Variants in PDE10A observed in about 807,000 individuals in gnomAD.
PDE10A encodes the protein phosphodiesterase 10A.
A neutral mutation model predicts 97.7 loss-of-function variants in PDE10A; 39 were observed. The observed-to-expected ratio is 0.40, with a 90% confidence interval of 0.31 to 0.52. The LOEUF (loss-of-function observed/expected upper bound fraction) is 0.52. PDE10A is among the 20% of genes least tolerant of loss of function. PDE10A has a pLI of 0.56. For synonymous variants in PDE10A, 371 were observed against 376.8 expected (o/e 0.98, Z 0.18); for missense variants, 731 against 1,047.8 (o/e 0.70, Z 4.17).
chr6:165,651,062 A>G (rs1288592905), intron 1 of PDE10A, among the ~76,000 whole-genome samples: 1 of 152,214 alleles, frequency 6.6e-6, no homozygotes. Flanking sequence ...ATTGATGGAT[A>G]CTGCCAAATT....
chr6:165,502,591 G>C (rs559129115), intron 2 of PDE10A, among the ~76,000 whole-genome samples: 1 of 152,280 alleles, frequency 6.6e-6, no homozygotes, highest in South Asian at 2.1e-4. Flanking sequence ...AAAATTAAAA[G>C]AATGTGAAGC....
chr6:165,525,390 T>G (rs1310974312), intron 2 of PDE10A, among the ~76,000 whole-genome samples: 1 of 152,120 alleles, frequency 6.6e-6, no homozygotes, highest in Non-Finnish European at 1.5e-5. Context: ...TATGTTTGGT[T>G]AGTTGAAATA....
At chr6:165,514,682 G>A (rs1186950867) in intron 2 of PDE10A, among the ~76,000 whole-genome samples, 1 of 152,212 alleles carries the variant, frequency 6.6e-6, no homozygotes, top group African/African-American at 2.4e-5. Flanking sequence ...TGAGGTTATT[G>A]CTTATGACTC....
chr6:165,754,617 T>C (rs1253678258), intron 1 of PDE10A, among the ~76,000 whole-genome samples: 1 of 152,186 alleles, frequency 6.6e-6, no homozygotes, highest in Non-Finnish European at 1.5e-5. Flanking sequence ...TATTTATGAA[T>C]ATAAAACAGT....
intron 1 of PDE10A, among the ~76,000 whole-genome samples, chr6:165,653,292 G>A (rs1031360856): frequency 3.3e-5 from 5 of 152,142 alleles, no homozygotes; most frequent in African/African-American, 4.8e-5. Flanking sequence ...CTTCCTACCC[G>A]CAAGGAACAC....
chr6:165,894,378 G>T, intron 1 of PDE10A: 1 of 456,114 alleles, frequency 2.2e-6, no homozygotes, highest in Non-Finnish European at 4.4e-6. Flanking sequence ...CGACAGGCCA[G>T]AACACTTGGC....
chr6:165,421,805 T>C (rs927186429), intron 10 of PDE10A, among the ~76,000 whole-genome samples: 1 of 152,238 alleles, frequency 6.6e-6, no homozygotes, highest in African/African-American at 2.4e-5. Flanking sequence ...GCTCACGCTG[T>C]ACTTCCAGCA....
intron 1 of PDE10A, among the ~76,000 whole-genome samples, chr6:165,642,693 T>C (rs1412699715): frequency 6.6e-6 from 1 of 152,236 alleles, no homozygotes; most frequent in African/African-American, 2.4e-5. Flanking sequence ...GTCCGGCCTT[T>C]ATGCTTTCAG....
intron 1 of PDE10A, among the ~76,000 whole-genome samples, chr6:165,709,335 T>C (rs62424922): frequency 0.5 from 58,558 of 117,268 alleles, 15,240 homozygotes; most frequent in Non-Finnish European, 0.55. Context: ...CGCTATGCTG[T>C]GGTGCTCTCT....
At chr6:165,766,989 A>T (rs1487833066) in intron 1 of PDE10A, among the ~76,000 whole-genome samples, 1 of 152,164 alleles carries the variant, frequency 6.6e-6, no homozygotes, top group Non-Finnish European at 1.5e-5. Flanking sequence ...TTATAATTGA[A>T]TTTTCTGGCC....
intron 1 of PDE10A, among the ~76,000 whole-genome samples, chr6:165,762,980 C>T (rs1272628237): frequency 2.0e-5 from 3 of 152,024 alleles, no homozygotes; most frequent in African/African-American, 7.2e-5. Context: ...TTTCAAAAGC[C>T]CTGGAACAAG....
chr6:165,426,152 C>T (rs1225428654), intron 10 of PDE10A, among the ~76,000 whole-genome samples: 3 of 152,092 alleles, frequency 2.0e-5, no homozygotes, highest in Non-Finnish European at 4.4e-5. Context: ...AACATAATTC[C>T]TATCAGCATT....
chr6:165,884,861 C>A (rs58667017), intron 1 of PDE10A, among the ~76,000 whole-genome samples: 32,532 of 152,080 alleles, frequency 0.21, 3,863 homozygotes, highest in South Asian at 0.35. Context: ...GGCTTCAGGG[C>A]TAATTGGACA....
intron 1 of PDE10A, among the ~76,000 whole-genome samples, chr6:165,865,164 TGAAA>T (rs1225798171): frequency 6.6e-5 from 10 of 152,064 alleles, no homozygotes; most frequent in Admixed American, 5.9e-4. Flanking sequence ...CCTTAGCCAC[TGAAA>T]AACTCACAGA....
intron 18 of PDE10A, among the ~76,000 whole-genome samples, chr6:165,359,522 G>A (rs1405725988): frequency 6.6e-6 from 1 of 152,008 alleles, no homozygotes; most frequent in Non-Finnish European, 1.5e-5. Context: ...TTTCTTTGGG[G>A]CTCAATTTTA....
chr6:165,826,442 T>C (rs1419975002), intron 1 of PDE10A, among the ~76,000 whole-genome samples: 1 of 151,376 alleles, frequency 6.6e-6, no homozygotes, highest in East Asian at 1.9e-4. Flanking sequence ...CTTACGTTCC[T>C]TTGTCCCTGT....
At chr6:165,947,580 T>C (rs1166411420) in intron 1 of PDE10A, among the ~76,000 whole-genome samples, 3 of 152,214 alleles carry the variant, frequency 2.0e-5, no homozygotes, top group African/African-American at 7.2e-5. Flanking sequence ...TAATGATTGC[T>C]TTTCAGTGTC....
intron 1 of PDE10A, among the ~76,000 whole-genome samples, chr6:165,897,947 G>A (rs927323417): frequency 2.0e-5 from 3 of 151,888 alleles, no homozygotes; most frequent in Non-Finnish European, 4.4e-5. Flanking sequence ...TAGAACCTGC[G>A]GGCTCTACCA....
At chr6:165,482,518 G>C (rs1268051428) in intron 2 of PDE10A, among the ~76,000 whole-genome samples, 175 bp from the exon 3 acceptor site, 1 of 152,122 alleles carries the variant, frequency 6.6e-6, no homozygotes, top group Non-Finnish European at 1.5e-5. Flanking sequence ...CATATTACGA[G>C]TTAAGAAGTA....
Sources: allele counts gnomAD v4.1 joint callset (sites outside exome capture counted in the v4.1 genomes callset), GRCh38; gene constraint gnomAD v4.1.1; transcripts MANE v1.5; gene names NCBI Gene and HGNC (gene_info 2026-07-23, HGNC 2026-07-21).